The following FXR1 variants were observed in gnomAD, a reference collection of about 807,000 sequenced individuals.
The protein encoded by FXR1 is FMR1 autosomal homolog 1.
Under a neutral mutation model 84.0 loss-of-function variants are expected in FXR1, and 15 were observed. The observed-to-expected ratio is 0.18, with a 90% CI of 0.12 to 0.27. The LOEUF is 0.27. FXR1 is among the 10% of genes least tolerant of loss of function. The pLI, the probability that FXR1 is intolerant of heterozygous loss-of-function variation, is 1.00. For missense variants in FXR1, 480 were observed against 774.4 expected (o/e 0.62, Z 4.51); for synonymous variants, 245 against 250.7 (o/e 0.98, Z 0.21).
In FXR1 at chr3:180,949,361, CAA is replaced by C. The variant is rs778847993; in HGVS notation, c.630+21_630+22del. On this transcript the variant is annotated intron_variant, in intron 7 of 16. Coordinates refer to ENST00000357559, the MANE Select transcript of FXR1 (RefSeq NM_005087.4). ...ATTTAGAAGTAAGTGGGTTTACTTA[CAA>C]AAGAGTTTTCTGTGTCCCATTTAGT... The C allele has an allele frequency of 1.6e-5, 18 of 1,115,610 alleles. No individual in the cohort carries two copies. In the African/African-American group the frequency reaches 2.0e-4, roughly 12 times the overall value. The allele number at this position is 1,115,610 out of a possible 1,614,324, so 69.1% of individuals were successfully genotyped here.
intron 15 of FXR1, chr3:180,971,421 G>T (rs1713571240): frequency 6.5e-6 from 1 of 154,914 alleles, no homozygotes; most frequent in East Asian, 1.9e-4. Flanking sequence ...AGACCATTTT[G>T]TTCACTTGGC....
chr3:180,920,517 CT>C (rs11359852), intron 1 of FXR1, among the ~76,000 whole-genome samples: 9,693 of 127,270 alleles, frequency 0.076, 709 homozygotes, highest in African/African-American at 0.22. Flanking sequence ...TAGTTTTGTT[CT>C]TTTTTTTTTT....
rs773830759 is a variant in FXR1 at position 180,976,447 on chromosome 3, CAT to C, written c.*158_*159del. 19 of 535,396 alleles carry C rather than the reference CAT, an allele frequency of 3.5e-5. No homozygotes were observed. Among genetic ancestry groups the C allele is most frequent in the Admixed American group, 7.3e-5 (2 of 27,400 alleles). The allele number at this position is 535,396 out of a possible 1,614,324, so 33.2% of individuals were successfully genotyped here. ...AAAAGGGGAGGGATCCTGAAGAAATCATATGTTAAACATACTTTGACACCTAC... is the reference window on the plus strand; with the variant it reads ...AAAAGGGGAGGGATCCTGAAGAAATCATGTTAAACATACTTTGACACCTAC... On this transcript the variant is annotated 3_prime_UTR_variant, in exon 17 of 17. Coordinates refer to ENST00000357559, the MANE Select transcript of FXR1 (RefSeq NM_005087.4).
intron 1 of FXR1, chr3:180,914,749 G>C: frequency 1.1e-6 from 1 of 904,642 alleles, no homozygotes. Flanking sequence ...TTTCTACTTA[G>C]ACTTTGACTC....
At chr3:180,920,503 A>T (rs1184988647) in intron 1 of FXR1, among the ~76,000 whole-genome samples, 1 of 151,486 alleles carries the variant, frequency 6.6e-6, no homozygotes, top group African/African-American at 2.4e-5. Context: ...CGAGAAAGTC[A>T]GAATAGTTTT....
At chr3:180,973,014 C>T (rs879629470) in intron 15 of FXR1, among the ~76,000 whole-genome samples, 1 of 152,206 alleles carries the variant, frequency 6.6e-6, no homozygotes, top group Non-Finnish European at 1.5e-5. Context: ...ATATTCTTTA[C>T]CACACTTAGA....
chr3:180,975,504 C>A, intron 16 of FXR1, 100 bp downstream of exon 16: 1 of 501,042 alleles, frequency 2.0e-6, no homozygotes, highest in Non-Finnish European at 3.6e-6. Flanking sequence ...CTTGTTTCCA[C>A]AAATAGACAA....
intron 3 of FXR1, among the ~76,000 whole-genome samples, chr3:180,939,581 C>T (rs770704289): frequency 8.5e-5 from 13 of 152,196 alleles, no homozygotes; most frequent in Non-Finnish European, 1.6e-4. Context: ...TCAATAGATT[C>T]ACCAGCCCGG....
At position 180,976,133 on chromosome 3, in the gene FXR1, G is replaced by C; in HGVS notation, c.1707G>C (p.Val569=). Residue 569 remains valine (V), a synonymous_variant, in exon 17 of 17, where the codon GTG becomes GTC. Coordinates refer to ENST00000357559, the MANE Select transcript of FXR1 (RefSeq NM_005087.4). ...TCTCCCTTTGGCAGGCAAAAGATGT[G>C]ATTGAAGAGCATGGTCCTTCAGAAA... ...AKNKKEMAKD[V]IEEHGPSEKA... is the part of the protein sequence containing the mutation. 6.2e-7 allele frequency: 1 copy of C among 1,607,424 alleles called. No homozygotes were observed. The highest frequency in any genetic ancestry group is 8.5e-7 in the Non-Finnish European group (1 of 1,177,850).
chr3:180,956,840 T>C (rs746258930), intron 9 of FXR1, among the ~76,000 whole-genome samples: 12 of 152,228 alleles, frequency 7.9e-5, no homozygotes, highest in Non-Finnish European at 1.3e-4. Context: ...GTCGTTCTTA[T>C]TCATTCTTTA....
At chr3:180,917,127 C>T (rs1185424031) in intron 1 of FXR1, among the ~76,000 whole-genome samples, 3 of 152,210 alleles carry the variant, frequency 2.0e-5, no homozygotes, top group Admixed American at 1.3e-4. Context: ...TGAGCCACCG[C>T]GCCTGGCCAG....
intron 10 of FXR1, among the ~76,000 whole-genome samples, chr3:180,960,818 A>G (rs546967074): frequency 1.0e-3 from 153 of 152,330 alleles, no homozygotes; most frequent in African/African-American, 3.6e-3. Context: ...AATTAAATTA[A>G]TTATAAATCA....
At chr3:180,953,713 C>T (rs755709777) in intron 8 of FXR1, 49 bp from the exon 9 acceptor site, 2 of 870,500 alleles carry the variant, frequency 2.3e-6, no homozygotes, top group South Asian at 1.5e-5. Flanking sequence ...TTATGGGTTG[C>T]TCCGAGATTG....
chr3:180,943,857 A>G (rs1314415746), intron 3 of FXR1, among the ~76,000 whole-genome samples: 1 of 152,014 alleles, frequency 6.6e-6, no homozygotes, highest in East Asian at 1.9e-4. Flanking sequence ...TTAACAAGAG[A>G]TATTCGAACT....
intron 10 of FXR1, among the ~76,000 whole-genome samples, chr3:180,958,272 G>A (rs1262231098): frequency 6.6e-6 from 1 of 152,066 alleles, no homozygotes; most frequent in Non-Finnish European, 1.5e-5. Context: ...GGGTATAGGT[G>A]GTTTTTGGTT....
chr3:180,927,801 T>C, intron 1 of FXR1: 1 of 426,832 alleles, frequency 2.3e-6, no homozygotes, highest in Non-Finnish European at 4.1e-6. Flanking sequence ...AAAATTACAT[T>C]TTTTCCTGTG....
At chr3:180,961,739 A>G (rs1041889360) in intron 11 of FXR1, among the ~76,000 whole-genome samples, 185 bp downstream of exon 11, 3 of 152,196 alleles carry the variant, frequency 2.0e-5, no homozygotes, top group Non-Finnish European at 4.4e-5. Context: ...TGAGAATTTA[A>G]AAAGTCCTTT....
chr3:180,969,264 G>A (rs1432790138), intron 14 of FXR1, among the ~76,000 whole-genome samples: 1 of 152,142 alleles, frequency 6.6e-6, no homozygotes, highest in African/African-American at 2.4e-5. Flanking sequence ...TAAAATTACA[G>A]TATACTGAAT....
chr3:180,971,266 C>A, intron 15 of FXR1: 1 of 213,196 alleles, frequency 4.7e-6, no homozygotes, highest in Non-Finnish European at 9.2e-6. Flanking sequence ...CATATACATT[C>A]AAAATTTGCA....
Sources: gnomAD v4.1 joint callset for allele counts (sites outside exome capture counted in the v4.1 genomes callset) on GRCh38, gnomAD v4.1.1 for gene constraint, MANE v1.5 for transcripts, NCBI Gene and HGNC (gene_info 2026-07-23, HGNC 2026-07-21) for gene names.